The following ZNF346 variants were observed in gnomAD, a reference collection of about 807,000 sequenced individuals.
ZNF346 encodes the protein zinc finger protein 346, also known as double-stranded RNA-binding zinc finger protein JAZ.
A neutral mutation model predicts 33.7 loss-of-function variants in ZNF346; 23 were observed. The ratio of observed to expected loss-of-function variants is 0.68; its 90% CI spans 0.49 to 0.97. The LOEUF (loss-of-function observed/expected upper bound fraction) is 0.97. Among genes scored for constraint, ZNF346 ranks in the 50% least tolerant of loss-of-function variants. The pLI is 0.00. For synonymous variants in ZNF346, 134 were observed against 142.4 expected, an observed-to-expected ratio of 0.94 and a Z score of 0.42; for missense variants, 340 against 371.1, an observed-to-expected ratio of 0.92 and a Z score of 0.69.
At chr5:177,052,989 A>G (rs1781161527) in intron 5 of ZNF346, 1 of 152,128 alleles carries the variant, frequency 6.6e-6, no homozygotes, top group Non-Finnish European at 1.5e-5. Flanking sequence ...TCATTGGTAA[A>G]GGATGAATTC....
chr5:177,045,264 A>T (rs878934325), intron 4 of ZNF346, among the ~76,000 whole-genome samples: 4 of 152,210 alleles, frequency 2.6e-5, no homozygotes, highest in Admixed American at 2.6e-4. Context: ...TGGACCAAGA[A>T]GTAGACTACA....
At chr5:177,049,947 C>T (rs907411204) in intron 4 of ZNF346, among the ~76,000 whole-genome samples, 11 of 152,112 alleles carry the variant, frequency 7.2e-5, no homozygotes, top group African/African-American at 2.7e-4. Context: ...AGTGATTCTC[C>T]TACCTCAGCC....
intron 1 of ZNF346, among the ~76,000 whole-genome samples, chr5:177,030,491 G>A (rs1302534888): frequency 1.3e-5 from 2 of 151,894 alleles, no homozygotes; most frequent in South Asian, 2.1e-4. Flanking sequence ...TGGTGGTGCC[G>A]TGCCATGGGG....
rs150616243 is a variant in ZNF346, at chr5:177,042,653, T to C, written c.372+783T>C. Among the ~76,000 whole-genome samples, 5 of 152,324 alleles carry C rather than the reference T, an allele frequency of 3.3e-5. No individual in the cohort carries two copies. The East Asian group carries it at 9.6e-4, about 29-fold the overall frequency. On this transcript the variant is annotated intron_variant, in intron 3 of 6. Coordinates refer to ENST00000358149, the MANE Select transcript of ZNF346 (RefSeq NM_012279.4). ...GTCAGGAAGGTCCTTGTTTATCTCT[T>C]CTCAAAATTTACTGGACTCATCCCC...
At chr5:177,054,245 AT>A (rs1320330330) in intron 5 of ZNF346, among the ~76,000 whole-genome samples, 2 of 151,334 alleles carry the variant, frequency 1.3e-5, no homozygotes, top group South Asian at 2.1e-4. Flanking sequence ...CTACTTTTTT[AT>A]TTTTTGTAGA....
intron 1 of ZNF346, among the ~76,000 whole-genome samples, chr5:177,027,499 TCGC>T: frequency 6.7e-6 from 1 of 149,428 alleles, no homozygotes; most frequent in African/African-American, 2.5e-5. Context: ...GGCACGAGAA[TCGC>T]TTGAACCCAG....
At chr5:177,059,948 TGAGAG>T (rs945728950) in intron 5 of ZNF346, among the ~76,000 whole-genome samples, 1 of 151,970 alleles carries the variant, frequency 6.6e-6, no homozygotes, top group Admixed American at 6.6e-5. Context: ...GCACATAAAA[TGAGAG>T]GAGATAAGAT....
At position 177,064,715 on chromosome 5, in the gene ZNF346, G is replaced by A; in HGVS notation, c.*116G>A. 2 of 783,944 alleles carry A rather than the reference G, an allele frequency of 2.6e-6. No homozygotes were observed. 48.6% of individuals were successfully genotyped at this position (783,944 alleles called of 1,614,324 possible). ...TCACCAGGAAAGTACACGGGCCTGA[G>A]GCAGGATTGGGCCACAGACAGCCTC... is the stretch of plus-strand genomic sequence containing the variant. On this transcript the variant is annotated 3_prime_UTR_variant, in exon 7 of 7. Transcript: ENST00000358149.
downstream of ZNF346, among the ~76,000 whole-genome samples, chr5:177,072,863 T>C (rs2149718944): frequency 6.6e-6 from 1 of 152,330 alleles, no homozygotes; most frequent in Middle Eastern, 3.4e-3. Flanking sequence ...GATCCAGCTA[T>C]GCCTGAAGCT....
intron 8 of ZNF346, among the ~76,000 whole-genome samples, chr5:177,073,787 T>A (rs1042383381): frequency 7.5e-6 from 1 of 133,228 alleles, no homozygotes; most frequent in East Asian, 2.2e-4. Context: ...TTTTGCAATG[T>A]GACTTTATCA....
chr5:177,076,273 T>G (rs1783740234), intron 8 of ZNF346, among the ~76,000 whole-genome samples: 2 of 152,236 alleles, frequency 1.3e-5, no homozygotes, highest in Admixed American at 1.3e-4. Flanking sequence ...AGCAGCCCTA[T>G]CAAGAGGCTG....
intron 1 of ZNF346, chr5:177,023,178 C>T (rs1443923838): frequency 8.5e-6 from 13 of 1,536,330 alleles, no homozygotes; most frequent in Non-Finnish European, 1.1e-5. Flanking sequence ...TTCCCACATT[C>T]GAGGACTGTC....
intron 4 of ZNF346, 139 bp downstream of exon 4, chr5:177,044,672 A>C: frequency 2.4e-6 from 2 of 843,764 alleles, no homozygotes; most frequent in Non-Finnish European, 3.7e-6. Context: ...AAAAATCTCC[A>C]AGTAGACCCA....
At chr5:177,048,712 G>A (rs1166369423) in intron 4 of ZNF346, among the ~76,000 whole-genome samples, 4 of 151,818 alleles carry the variant, frequency 2.6e-5, no homozygotes, top group Non-Finnish European at 5.9e-5. Flanking sequence ...TGTCACCTAT[G>A]CGTTTGTTGT....
At chr5:177,078,390 A>T (rs1458612094) in intron 8 of ZNF346, among the ~76,000 whole-genome samples, 1 of 152,172 alleles carries the variant, frequency 6.6e-6, no homozygotes, top group Non-Finnish European at 1.5e-5. Flanking sequence ...GGGAGACTGG[A>T]GCTGGGACAG....
At chr5:177,070,079 C>T (rs1245376836), downstream of ZNF346, among the ~76,000 whole-genome samples, 1 of 152,182 alleles carries the variant, frequency 6.6e-6, no homozygotes, top group South Asian at 2.1e-4. Context: ...TCTACTCAGG[C>T]GTGGAATCAT....
chr5:177,071,994 A>G (rs1317809899), downstream of ZNF346, among the ~76,000 whole-genome samples: 1 of 152,200 alleles, frequency 6.6e-6, no homozygotes, highest in African/African-American at 2.4e-5. Context: ...TCAACTCTTC[A>G]GTGCAATGAC....
chr5:177,038,098 A>T (rs2336718), intron 1 of ZNF346, among the ~76,000 whole-genome samples: 82,871 of 145,280 alleles, frequency 0.57, 24,355 homozygotes, highest in African/African-American at 0.76. Flanking sequence ...TTTTTTTTTT[A>T]AATTTTCAGA....
chr5:177,036,925 A>G (rs1426031143), intron 1 of ZNF346, among the ~76,000 whole-genome samples: 2 of 152,020 alleles, frequency 1.3e-5, no homozygotes, highest in African/African-American at 4.8e-5. Flanking sequence ...CAGCCTGGGA[A>G]ACCCTGAGGT....
Sources: allele counts gnomAD v4.1 joint callset (sites outside exome capture counted in the v4.1 genomes callset), GRCh38; gene constraint gnomAD v4.1.1; transcripts MANE v1.5; gene names NCBI Gene and HGNC (gene_info 2026-07-23, HGNC 2026-07-21).